RUSC1: variants seen among roughly 807,000 people sequenced by gnomAD.
The protein encoded by RUSC1 is RUN and SH3 domain containing 1, also known as AP-4 complex accessory subunit RUSC1.
RUSC1 carries 40 observed loss-of-function variants against 72.1 expected under a neutral mutation model. That is an observed-to-expected ratio of 0.55 (90% CI 0.43 to 0.72). RUSC1 has a LOEUF of 0.72. RUSC1 is among the 30% of genes least tolerant of loss of function. RUSC1 has a pLI of 0.00. For synonymous variants in RUSC1, 512 were observed against 494.2 expected, an observed-to-expected ratio of 1.04 and a Z score of -0.48; for missense variants, 1,092 against 1,172.3, an observed-to-expected ratio of 0.93 and a Z score of 1.00.
Position 155,326,968 on chromosome 1 carries a change from T to A in RUSC1, c.2250T>A (p.Leu750=). The A allele has an allele frequency of 6.2e-7, 1 of 1,613,750 alleles. No homozygotes were observed. The highest frequency in any genetic ancestry group is 8.5e-7 in the Non-Finnish European group (1 of 1,180,034). Residue 750 remains leucine, a synonymous_variant, in exon 8 of 10, where the codon CTT becomes CTA. Transcript: ENST00000368352. This position sits in a 1 kb window ranked among gnomAD's most constrained non-coding sequence, Gnocchi z 4.7. ...YASGGTEGFP[L]SRWAPGRHGT... is the part of the protein sequence containing the mutation. Reference sequence around the variant, plus strand: ...CTGGGGGCACTGAGGGCTTTCCTCTTTCCCGATGGGCACCGGGGCGTCATG... The same window carrying A: ...CTGGGGGCACTGAGGGCTTTCCTCTATCCCGATGGGCACCGGGGCGTCATG...
intron 2 of RUSC1, 36 bp from the exon 3 acceptor site, chr1:155,324,809 G>C: frequency 6.2e-7 from 1 of 1,614,148 alleles, no homozygotes; most frequent in Non-Finnish European, 8.5e-7. Context: ...AATAACACTT[G>C]GTAAGTGTTA....
At position 155,325,432 on chromosome 1, in the gene RUSC1, C is replaced by T. The variant is rs1331005177; in HGVS notation, c.1650C>T (p.Leu550=). 3 of 1,591,874 alleles carry T rather than the reference C, an allele frequency of 1.9e-6. No homozygotes were observed. Among genetic ancestry groups the T allele is most frequent in the South Asian group, 1.1e-5 (1 of 89,444 alleles). ...ADGLKPFRKD[L]ITGQRRSSPW... ...GGCTGAAGCCTTTCCGGAAGGACCT[C>T]ATCACCGGGCAGCGCAGGAGCAGCC... Residue 550 remains leucine (L), a synonymous_variant, in exon 5 of 10, where the codon CTC becomes CTT. Coordinates refer to ENST00000368352, the MANE Select transcript of RUSC1 (RefSeq NM_001105203.2). This position sits in a 1 kb window ranked among gnomAD's most constrained non-coding sequence, Gnocchi z 6.5.
intron 9 of RUSC1, among the ~76,000 whole-genome samples, chr1:155,329,243 G>C (rs1223285271): frequency 6.6e-6 from 1 of 150,864 alleles, no homozygotes; most frequent in African/African-American, 2.4e-5. Flanking sequence ...CTGCCACCAT[G>C]CCTGGCTAAT....
chr1:155,325,031 C>A lies in RUSC1; in HGVS notation c.1457-71C>A. 1 of 1,614,030 alleles carries A rather than the reference C, an allele frequency of 6.2e-7. No homozygotes were observed. ...CTCTCAGGCTGTCCGAAGGCAGTCT[C>A]TCCACGCCCCTCGGGCAAGCCTGGG... On this transcript the variant is annotated intron_variant, in intron 3 of 9. Transcript: ENST00000368352. This position sits in a 1 kb window ranked among gnomAD's most constrained non-coding sequence, Gnocchi z 6.5.
Position 155,322,346 on chromosome 1 carries a change from C to T in RUSC1, c.573C>T (p.Val191=), listed in dbSNP as rs925315107. Residue 191 remains valine (V), a synonymous_variant, in exon 2 of 10, where the codon GTC becomes GTT. Transcript: ENST00000368352. The part of the protein sequence containing the change: ...NCNALTTCQD[V]PSPGLEEEDE... ...ACGCCCTGACCACCTGCCAGGACGT[C>T]CCTTCCCCAGGCTTGGAGGAAGAGG... 1 of 1,613,020 alleles carries T rather than the reference C, an allele frequency of 6.2e-7. No homozygotes were observed. Among genetic ancestry groups the T allele is most frequent in the Non-Finnish European group, 8.5e-7 (1 of 1,179,034 alleles).
intron 2 of RUSC1, 27 bp downstream of exon 2, chr1:155,323,157 G>C: frequency 7.1e-7 from 1 of 1,401,116 alleles, no homozygotes; most frequent in Non-Finnish European, 9.2e-7. Flanking sequence ...AGCGGGAGGA[G>C]GGCTGGGCTT....
chr1:155,325,950 G>A lies in RUSC1; in HGVS notation c.1861+40G>A. 6.2e-7 allele frequency: 1 copy of A among 1,601,200 alleles called. No homozygotes were observed. The highest frequency in any genetic ancestry group is 8.6e-7 in the Non-Finnish European group (1 of 1,168,314). On this transcript the variant is annotated intron_variant, in intron 7 of 9. Transcript: ENST00000368352. The surrounding 1 kb of genome is among the most constrained non-coding windows in gnomAD (Gnocchi z 6.5). Reference sequence around the variant, plus strand: ...TGGTAGAGGATGGGGCTGATGGGCTGGGAGGATGGGAAGGAAAGAGTTCTC... The same window carrying A: ...TGGTAGAGGATGGGGCTGATGGGCTAGGAGGATGGGAAGGAAAGAGTTCTC...
Position 155,323,112 on chromosome 1 carries a change from G to A in RUSC1, c.1339G>A (p.Ala447Thr). 7.0e-7 allele frequency: 1 copy of A among 1,422,738 alleles called. No homozygotes were observed. Among genetic ancestry groups the A allele is most frequent in the South Asian group, 1.5e-5 (1 of 65,864 alleles). The allele number at this position is 1,422,738 out of a possible 1,614,324, so 88.1% of individuals were successfully genotyped here. ...GGCCCCAGCCGCGAAGGAGCCGGGC[G>A]CGCAGGCCGGCCTGGAGGGTAAGAG... ...EEAPAAKEPG[A>T]QAGLEVRSSW... Residue 447 changes from alanine to threonine, a missense_variant, in exon 2 of 10, where the codon GCG (alanine) becomes ACG (threonine). By Grantham distance (58) the Ala-to-Thr change is moderately conservative (BLOSUM62 0). Transcript: ENST00000368352.
In RUSC1 at chr1:155,320,930, C is replaced by T. The variant is rs748170311; in HGVS notation, c.-148C>T. The T allele has an allele frequency of 8.3e-6, 13 of 1,574,262 alleles. No homozygotes were observed. The highest frequency in any genetic ancestry group is 1.9e-5 in the Admixed American group (1 of 53,348). Reference sequence around the variant, plus strand: ...CCTCCCCTCCCGCTCTGTGCCCCGCCGGGCGGGGACCGTGGGAGCCGCGGA... The same window carrying T: ...CCTCCCCTCCCGCTCTGTGCCCCGCTGGGCGGGGACCGTGGGAGCCGCGGA... On this transcript the variant is annotated 5_prime_UTR_variant, in exon 1 of 10. Transcript: ENST00000368352.
chr1:155,325,044 G>A lies in RUSC1; in HGVS notation c.1457-58G>A. ...CGAAGGCAGTCTCTCCACGCCCCTC[G>A]GGCAAGCCTGGGTAGGGGCGCGGCC... On this transcript the variant is annotated intron_variant, in intron 3 of 9. Transcript: ENST00000368352. This position sits in a 1 kb window ranked among gnomAD's most constrained non-coding sequence, Gnocchi z 6.5. 6.2e-7 allele frequency: 1 copy of A among 1,613,938 alleles called. No homozygotes were observed. The highest frequency in any genetic ancestry group is 8.5e-7 in the Non-Finnish European group (1 of 1,179,914).
intron 9 of RUSC1, among the ~76,000 whole-genome samples, chr1:155,328,788 C>T (rs1309138120): frequency 6.6e-6 from 1 of 151,848 alleles, no homozygotes; most frequent in East Asian, 2.0e-4. Context: ...TAGTAGAGAC[C>T]GGGGTTTCAC....
rs571587101 is a variant in RUSC1 at position 155,325,065 on chromosome 1, C to G, written c.1457-37C>G. On this transcript the variant is annotated intron_variant, in intron 3 of 9. Coordinates refer to ENST00000368352, the MANE Select transcript of RUSC1 (RefSeq NM_001105203.2). This position sits in a 1 kb window ranked among gnomAD's most constrained non-coding sequence, Gnocchi z 6.5. ...CCTCGGGCAAGCCTGGGTAGGGGCGCGGCCTCCTAGCGTCTTCCCTTTCCC... is the reference window on the plus strand; with the variant it reads ...CCTCGGGCAAGCCTGGGTAGGGGCGGGGCCTCCTAGCGTCTTCCCTTTCCC... 2.5e-6 allele frequency: 4 copies of G among 1,614,128 alleles called. No homozygotes were observed. The highest frequency in any genetic ancestry group is 3.4e-6 in the Non-Finnish European group (4 of 1,179,964).
Position 155,322,692 on chromosome 1 carries a change from C to A in RUSC1, c.919C>A (p.Pro307Thr). The A allele has an allele frequency of 6.2e-7, 1 of 1,614,234 alleles. No homozygotes were observed. Among genetic ancestry groups the A allele is most frequent in the Non-Finnish European group, 8.5e-7 (1 of 1,180,028 alleles). The change falls in exon 2 of 10, where the codon CCG becomes ACG. Residue 307 changes from proline (P) to threonine (T), a missense_variant. Coordinates refer to ENST00000368352, the MANE Select transcript of RUSC1 (RefSeq NM_001105203.2). ...GGWRSDVSEE[P>T]VPHRTITSFH... is the part of the protein sequence containing the mutation. ...ATGGAGAAGTGACGTCAGCGAGGAG[C>A]CGGTGCCCCACCGGACAATCACGTC...
chr1:155,323,061 G>T lies in RUSC1; in HGVS notation c.1288G>T (p.Ala430Ser). 6.9e-7 allele frequency: 1 copy of T among 1,440,236 alleles called. No homozygotes were observed. 89.2% of individuals were successfully genotyped at this position (1,440,236 alleles called of 1,614,324 possible). A position where few individuals can be genotyped will look rare whatever the true frequency, so the allele number is the denominator to read the frequency against. The change falls in exon 2 of 10, where the codon GCT (alanine) becomes TCT (serine). Residue 430 changes from alanine to serine, a missense_variant. Physicochemically the swap from Ala to Ser is moderately conservative, Grantham distance 99. Coordinates refer to ENST00000368352, the MANE Select transcript of RUSC1 (RefSeq NM_001105203.2). The stretch of plus-strand genomic sequence containing the variant: ...GGAGGGGCAGTCCGAGGAGGGCCGG[G>T]CTGTCAGCCCAGCGGCTGGCGAGGA... ...IAEGQSEEGR[A>S]VSPAAGEEAP...
chr1:155,323,444 C>A, intron 2 of RUSC1: 1 of 256,884 alleles, frequency 3.9e-6, no homozygotes. Context: ...TTCCGGTTCT[C>A]GGCCGACGGG....
rs1157290899 is a variant in RUSC1 at position 155,322,358 on chromosome 1, C to T, written c.585C>T (p.Gly195=). 1 of 1,613,730 alleles carries T rather than the reference C, an allele frequency of 6.2e-7. No individual in the cohort carries two copies. Among genetic ancestry groups the T allele is most frequent in the East Asian group, 2.2e-5 (1 of 44,850 alleles). Residue 195 remains glycine (G), a synonymous_variant, in exon 2 of 10, where the codon GGC becomes GGT. Transcript: ENST00000368352. ...CCTGCCAGGACGTCCCTTCCCCAGG[C>T]TTGGAGGAAGAGGACGAGAGGGCGG... ...LTTCQDVPSP[G]LEEEDERAEQ...
In RUSC1 at chr1:155,325,396, G is replaced by A. The variant is rs1441775282; in HGVS notation, c.1614G>A (p.Leu538=). ...CCCTCTGCCCGGCCCTCCACGCCCT[G>A]GTGGCGGACGGGCTGAAGCCTTTCC... ...LTTLCPALHA[L]VADGLKPFRK... Residue 538 remains leucine, a synonymous_variant, in exon 5 of 10, where the codon CTG becomes CTA. Transcript: ENST00000368352. The surrounding 1 kb of genome is among the most constrained non-coding windows in gnomAD (Gnocchi z 6.5). The A allele has an allele frequency of 6.3e-7, 1 of 1,592,518 alleles. No homozygotes were observed.
rs1165035939 is a variant in RUSC1, at chr1:155,325,572, A to G, written c.1714A>G (p.Ser572Gly). ...VVEASVKPGSSTRSLGTLYSQ... is the reference protein window; with the variant it reads ...VVEASVKPGSGTRSLGTLYSQ... ...ACTGCACCCCACGTTCTCAGGCTCC[A>G]GCACCCGCTCCCTTGGAACCCTGTA... The change falls in exon 6 of 10, where the codon AGC (serine) becomes GGC (glycine). Residue 572 changes from serine to glycine, a missense_variant. Ser to Gly is a moderately conservative substitution (Grantham distance 56). Transcript: ENST00000368352. This position sits in a 1 kb window ranked among gnomAD's most constrained non-coding sequence, Gnocchi z 6.5. 3 of 1,610,066 alleles carry G rather than the reference A, an allele frequency of 1.9e-6. No homozygotes were observed. Among genetic ancestry groups the G allele is most frequent in the Non-Finnish European group, 1.7e-6 (2 of 1,179,918 alleles).
rs757899435 is a variant in RUSC1 at position 155,321,457 on chromosome 1, G to A, written c.-86-231G>A. The A allele has an allele frequency of 2.2e-5, 32 of 1,441,468 alleles. No homozygotes were observed. The South Asian group carries it at 3.3e-4, about 15-fold the overall frequency. 89.3% of individuals were successfully genotyped at this position (1,441,468 alleles called of 1,614,324 possible). A position where few individuals can be genotyped will look rare whatever the true frequency, so the allele number is the denominator to read the frequency against. On this transcript the variant is annotated intron_variant, in intron 1 of 9. Coordinates refer to ENST00000368352, the MANE Select transcript of RUSC1 (RefSeq NM_001105203.2). ...CCGCCCCCCTTCGGAGATCCAGAGC[G>A]CAGCCGCGTTCTCTGACCCTCCCGG...
Sources: allele counts gnomAD v4.1 joint callset (sites outside exome capture counted in the v4.1 genomes callset), GRCh38; gene constraint gnomAD v4.1.1; non-coding constraint Gnocchi (gnomAD v3.1); transcripts MANE v1.5; gene names NCBI Gene and HGNC (gene_info 2026-07-23, HGNC 2026-07-21).